TMEM114: variants seen among roughly 807,000 people sequenced by gnomAD.
TMEM114 encodes the protein transmembrane protein 114.
A neutral mutation model predicts 6.2 loss-of-function variants in TMEM114; 6 were observed. The ratio of observed to expected loss-of-function variants is 0.97; its 90% CI spans 0.53 to 1.91. The LOEUF is 1.91. Among genes scored for constraint, TMEM114 ranks in the 40% most tolerant of loss-of-function variants. The pLI is 0.01. For synonymous variants in TMEM114, 104 were observed against 73.0 expected (o/e 1.42, Z -2.16); for missense variants, 218 against 158.3 (o/e 1.38, Z -2.02).
At chr16:8,531,741 T>G in the TMEM114 span, among the ~76,000 whole-genome samples, 1 of 152,230 alleles carries the variant, frequency 6.6e-6, no homozygotes, top group African/African-American at 2.4e-5. Flanking sequence ...GAATAGTCTG[T>G]GGAATCCTCA....
chr16:8,574,558 T>A (rs1431991771), intron 2 of TMEM114, among the ~76,000 whole-genome samples: 1 of 126,436 alleles, frequency 7.9e-6, no homozygotes, highest in Non-Finnish European at 1.7e-5. Context: ...TCCTTCTTTC[T>A]TTCTTTCTTT....
At chr16:8,563,581 G>C (rs1567203070) in intron 2 of TMEM114, among the ~76,000 whole-genome samples, 1 of 147,546 alleles carries the variant, frequency 6.8e-6, no homozygotes, top group African/African-American at 2.5e-5. Context: ...GAGGAAATGA[G>C]TGAGTGAATG....
chr16:8,585,952 G>A (rs567134104), intron 2 of TMEM114, among the ~76,000 whole-genome samples: 1 of 152,280 alleles, frequency 6.6e-6, no homozygotes, highest in South Asian at 2.1e-4. Flanking sequence ...TAGGACTGAG[G>A]GTGAACGAGT....
intron 2 of TMEM114, among the ~76,000 whole-genome samples, chr16:8,560,059 C>G (rs1443802051): frequency 6.6e-6 from 1 of 152,078 alleles, no homozygotes. Flanking sequence ...TGCAGTGGTG[C>G]CATCACAGCT....
At chr16:8,531,262 G>C in the TMEM114 span, among the ~76,000 whole-genome samples, 1 of 152,280 alleles carries the variant, frequency 6.6e-6, no homozygotes, top group African/African-American at 2.4e-5. Context: ...TGAGTCCTTA[G>C]CATTCAGAGA....
At chr16:8,536,729 C>T (rs761582655), downstream of TMEM114, among the ~76,000 whole-genome samples, 1 of 151,942 alleles carries the variant, frequency 6.6e-6, no homozygotes, top group East Asian at 1.9e-4. Context: ...ATGTACCAGG[C>T]ATTTAGCTCA....
At chr16:8,565,059 G>C (rs1388126875), downstream of TMEM114, among the ~76,000 whole-genome samples, 1 of 151,430 alleles carries the variant, frequency 6.6e-6, no homozygotes, top group African/African-American at 2.5e-5. Flanking sequence ...GTGAGTGAGT[G>C]AGTGAATGAG....
chr16:8,559,112 G>A (rs1178635244), intron 2 of TMEM114, among the ~76,000 whole-genome samples: 1 of 151,870 alleles, frequency 6.6e-6, no homozygotes, highest in East Asian at 1.9e-4. Flanking sequence ...GCATGATCTC[G>A]GCTCACTGCA....
chr16:8,554,044 A>C (rs1900929008), intron 2 of TMEM114, among the ~76,000 whole-genome samples: 1 of 151,826 alleles, frequency 6.6e-6, no homozygotes, highest in Non-Finnish European at 1.5e-5. Flanking sequence ...ACACCCAGTT[A>C]ATTTTTGTGT....
At chr16:8,577,363 C>T (rs1188044638) in intron 2 of TMEM114, among the ~76,000 whole-genome samples, 1 of 152,204 alleles carries the variant, frequency 6.6e-6, no homozygotes, top group Non-Finnish European at 1.5e-5. Flanking sequence ...GGATTTCCAC[C>T]TCAGTTCTGT....
intron 2 of TMEM114, among the ~76,000 whole-genome samples, chr16:8,564,369 G>C (rs1901441649): frequency 1.3e-5 from 2 of 149,912 alleles, no homozygotes; most frequent in Non-Finnish European, 2.9e-5. Context: ...GAGTGAATGA[G>C]TCAGTGAATG....
chr16:8,543,235 C>G (rs1440391458), intron 2 of TMEM114, among the ~76,000 whole-genome samples: 2 of 152,300 alleles, frequency 1.3e-5, no homozygotes, highest in Admixed American at 6.5e-5. Context: ...ATGAGGAGCA[C>G]TTGTTCATTT....
chr16:8,558,997 C>G (rs1369482062), intron 2 of TMEM114, among the ~76,000 whole-genome samples: 1 of 151,686 alleles, frequency 6.6e-6, no homozygotes, highest in Non-Finnish European at 1.5e-5. Context: ...CCCACCTCAG[C>G]CTCCCAAAGT....
downstream of TMEM114, among the ~76,000 whole-genome samples, chr16:8,536,628 T>C (rs951171128): frequency 2.6e-5 from 4 of 152,224 alleles, no homozygotes; most frequent in African/African-American, 7.2e-5. Context: ...TAAGTTCAGA[T>C]GCTTATTCTT....
chr16:8,551,301 T>C (rs1900835975), intron 2 of TMEM114, among the ~76,000 whole-genome samples: 2 of 152,180 alleles, frequency 1.3e-5, no homozygotes, highest in African/African-American at 2.4e-5. Context: ...GAAAAGCCTG[T>C]TCTTCAGATA....
chr16:8,590,116 T>C lies in TMEM114; in HGVS notation c.-278A>G. 3.0e-6 allele frequency: 1 copy of C among 337,728 alleles called. No individual in the cohort carries two copies. The highest frequency in any genetic ancestry group is 4.5e-5 in the East Asian group (1 of 22,366). 20.9% of individuals were successfully genotyped at this position (337,728 alleles called of 1,614,324 possible). On this transcript the variant is annotated 5_prime_UTR_variant, in exon 1 of 4. Coordinates refer to ENST00000620492, the MANE Select transcript of TMEM114 (RefSeq NM_001146336.2). ...TACCTGCAGACCCCCTCACTCTCAC[T>C]TGTGCTGTCCGACCTCCACCTCCGC...
At chr16:8,541,944 G>C (rs961653911) in intron 2 of TMEM114, among the ~76,000 whole-genome samples, 1 of 152,180 alleles carries the variant, frequency 6.6e-6, no homozygotes, top group Non-Finnish European at 1.5e-5. Context: ...GGCTTAGAGA[G>C]ATGTAGCACA....
At position 8,569,741 on chromosome 16, in the gene TMEM114, C is replaced by G. The variant is rs1049277828; in HGVS notation, c.*32G>C. ...GTCGGTGAAGCTCCGGGGCCAAGCCCCTCCCTCCCCTCCACGACCCAGCGC... is the reference window on the plus strand; with the variant it reads ...GTCGGTGAAGCTCCGGGGCCAAGCCGCTCCCTCCCCTCCACGACCCAGCGC... On this transcript the variant is annotated 3_prime_UTR_variant, in exon 4 of 4. Coordinates refer to ENST00000620492, the MANE Select transcript of TMEM114 (RefSeq NM_001146336.2). 1.3e-6 allele frequency: 2 copies of G among 1,527,774 alleles called. No individual in the cohort carries two copies. Among genetic ancestry groups the G allele is most frequent in the African/African-American group, 2.8e-5 (2 of 72,556 alleles). 94.6% of individuals were successfully genotyped at this position (1,527,774 alleles called of 1,614,324 possible).
intron 2 of TMEM114, among the ~76,000 whole-genome samples, chr16:8,563,473 A>C (rs1343295149): frequency 6.8e-6 from 1 of 147,124 alleles, no homozygotes; most frequent in Non-Finnish European, 1.5e-5. Flanking sequence ...GAGTAAGTGA[A>C]TGAGTGAGTA....
Sources: allele counts gnomAD v4.1 joint callset (sites outside exome capture counted in the v4.1 genomes callset), GRCh38; gene constraint gnomAD v4.1.1; transcripts MANE v1.5; gene names NCBI Gene and HGNC (gene_info 2026-07-23, HGNC 2026-07-21).